CIMAP1A: variants seen among roughly 807,000 people sequenced by gnomAD.
CIMAP1A encodes ciliary microtubule associated protein 1A, also known as cancer/testis antigen 135.
chr11:200,039 G>A, the CIMAP1A span: 1 of 1,613,098 alleles, frequency 6.2e-7, no homozygotes, highest in South Asian at 1.1e-5. Flanking sequence ...AATAACGCCA[G>A]CCCTGCTGTG....
At chr11:200,080 C>T in the CIMAP1A span, 199 of 1,595,918 alleles carry the variant, frequency 1.2e-4, no homozygotes, top group Middle Eastern at 1.7e-4. Context: ...ACACAAGATC[C>T]GCCGGGCCAC....
At chr11:198,061 C>G in the CIMAP1A span, 1 of 1,544,300 alleles carries the variant, frequency 6.5e-7, no homozygotes, top group African/African-American at 1.4e-5. Context: ...CTGGACACCC[C>G]CTGACCCGAC....
the CIMAP1A span, chr11:198,849 G>C: frequency 3.7e-6 from 5 of 1,346,766 alleles, no homozygotes; most frequent in African/African-American, 1.5e-5. Flanking sequence ...TGTCTGGAGA[G>C]AGAGAGGCAA....
chr11:198,726 C>T, the CIMAP1A span: 56 of 1,472,146 alleles, frequency 3.8e-5, no homozygotes, highest in South Asian at 2.3e-4. Context: ...GCACCTGCCA[C>T]GTGCTGGGGT....
chr11:198,574 G>T, the CIMAP1A span: 2 of 1,609,478 alleles, frequency 1.2e-6, no homozygotes, highest in Non-Finnish European at 1.7e-6. Flanking sequence ...CTTCAGCGAC[G>T]ACCTACACAA....
the CIMAP1A span, chr11:198,820 G>T: frequency 2.1e-6 from 3 of 1,396,294 alleles, no homozygotes; most frequent in Non-Finnish European, 2.8e-6. Context: ...GAGGACAAGA[G>T]ATGGGGTTTA....
At chr11:198,178 C>T in the CIMAP1A span, 17 of 1,610,024 alleles carry the variant, frequency 1.1e-5, no homozygotes, top group African/African-American at 1.9e-4. Context: ...GTCCCAGCAG[C>T]CCCCTTGGCT....
At chr11:198,183 T>C in the CIMAP1A span, 5 of 1,611,626 alleles carry the variant, frequency 3.1e-6, no homozygotes, top group Non-Finnish European at 4.2e-6. Context: ...AGCAGCCCCC[T>C]TGGCTCCTTG....
chr11:197,983 G>A, the CIMAP1A span: 22 of 1,533,680 alleles, frequency 1.4e-5, no homozygotes, highest in East Asian at 4.9e-5. Context: ...CCAGGCCGAC[G>A]TCAGACCCCA....
the CIMAP1A span, chr11:198,261 T>A: frequency 1.2e-6 from 2 of 1,614,064 alleles, no homozygotes; most frequent in South Asian, 2.2e-5. Context: ...CCACTCCATC[T>A]CTGCCCGGAC....
chr11:199,380 C>T, the CIMAP1A span: 8 of 1,572,200 alleles, frequency 5.1e-6, no homozygotes, highest in African/African-American at 6.7e-5. Flanking sequence ...CCCCAGGTCC[C>T]GCAGCCTACC....
At chr11:199,935 C>T in the CIMAP1A span, 1 of 1,613,914 alleles carries the variant, frequency 6.2e-7, no homozygotes, top group Non-Finnish European at 8.5e-7. Flanking sequence ...ATAGCCCCTC[C>T]TCTCCCAGGT....
chr11:197,924 A>G, the CIMAP1A span: 1 of 1,499,474 alleles, frequency 6.7e-7, no homozygotes, highest in Non-Finnish European at 8.9e-7. Context: ...GTGCCTGGGC[A>G]GAGAAGACTC....
At chr11:199,428 G>T in the CIMAP1A span, 1 of 1,572,152 alleles carries the variant, frequency 6.4e-7, no homozygotes, top group Non-Finnish European at 8.6e-7. Flanking sequence ...TCAAGGCTCC[G>T]CAGTACACCA....
At chr11:200,032 A>G in the CIMAP1A span, 1 of 1,613,868 alleles carries the variant, frequency 6.2e-7, no homozygotes, top group Non-Finnish European at 8.5e-7. Context: ...GATGTGGAAT[A>G]ACGCCAGCCC....
chr11:198,444 G>A, the CIMAP1A span: 1 of 1,613,220 alleles, frequency 6.2e-7, no homozygotes, highest in Non-Finnish European at 8.5e-7. Flanking sequence ...CCGGCCTGAG[G>A]CTCCACGTCC....
At chr11:199,900 G>A in the CIMAP1A span, 5 of 1,607,484 alleles carry the variant, frequency 3.1e-6, no homozygotes, top group Non-Finnish European at 4.2e-6. Context: ...ACCTGCAGGT[G>A]GGGGCAGGGG....
the CIMAP1A span, chr11:200,068 C>A: frequency 6.2e-7 from 1 of 1,607,426 alleles, no homozygotes; most frequent in Non-Finnish European, 8.5e-7. Flanking sequence ...CACCCGGCAT[C>A]TACACAAGAT....
chr11:197,916 G>A, the CIMAP1A span: 4 of 1,497,564 alleles, frequency 2.7e-6, no homozygotes, highest in Non-Finnish European at 3.6e-6. Context: ...TCACCATCGT[G>A]CCTGGGCAGA....
Sources: allele counts gnomAD v4.1 joint callset, GRCh38; gene constraint gnomAD v4.1.1; transcripts MANE v1.5; gene names NCBI Gene and HGNC (gene_info 2026-07-23, HGNC 2026-07-21).